Variants in NAALADL2 observed in about 807,000 individuals in gnomAD.
The protein encoded by NAALADL2 is N-acetylated alpha-linked acidic dipeptidase like 2, also known as inactive N-acetylated-alpha-linked acidic dipeptidase-like protein 2.
Under a neutral mutation model 87.2 loss-of-function variants are expected in NAALADL2, and 76 were observed. The ratio of observed to expected loss-of-function variants is 0.87; its 90% CI spans 0.72 to 1.05. The LOEUF is 1.05. NAALADL2 is among the 50% of genes least tolerant of loss of function. NAALADL2 has a pLI of 0.00. For missense variants in NAALADL2, 1,089 were observed against 945.8 expected, an observed-to-expected ratio of 1.15 and a Z score of -1.99; for synonymous variants, 354 against 331.0, an observed-to-expected ratio of 1.07 and a Z score of -0.75.
chr3:175,062,460 A>G (rs1446878214), intron 1 of NAALADL2, among the ~76,000 whole-genome samples: 1 of 144,712 alleles, frequency 6.9e-6, no homozygotes, highest in Non-Finnish European at 1.5e-5. Context: ...TCCTGTTTGT[A>G]GGGCTGGAAG....
intron 1 of NAALADL2, among the ~76,000 whole-genome samples, chr3:174,478,423 A>T (rs1309196892): frequency 6.6e-6 from 1 of 152,112 alleles, no homozygotes; most frequent in South Asian, 2.1e-4. Context: ...TGCATGATGT[A>T]TATATAGATA....
At chr3:174,898,112 CAAAAAAAAAAAAA>C (rs913382744) in intron 1 of NAALADL2, among the ~76,000 whole-genome samples, 51 of 14,496 alleles carry the variant, frequency 3.5e-3, no homozygotes, top group Admixed American at 0.021. Flanking sequence ...GACTCCGTCT[CAAAAAAAAAAAAA>C]AAAAAAAAAA....
chr3:174,677,452 T>G (rs922881492), intron 2 of NAALADL2, among the ~76,000 whole-genome samples: 1 of 152,108 alleles, frequency 6.6e-6, no homozygotes, highest in Admixed American at 6.6e-5. Flanking sequence ...TTTTTCATTT[T>G]GTGTTTCTAA....
chr3:174,894,594 C>CAAAA (rs869161862), intron 1 of NAALADL2, among the ~76,000 whole-genome samples: 3 of 48,476 alleles, frequency 6.2e-5, no homozygotes, highest in Non-Finnish European at 1.0e-4. Flanking sequence ...AACTCCGTCT[C>CAAAA]AAAAAAAAAA....
At chr3:175,059,399 T>A in intron 1 of NAALADL2, 1 of 155,968 alleles carries the variant, frequency 6.4e-6, no homozygotes. Context: ...CTACACAGAA[T>A]CCTCAAAAGC....
intron 10 of NAALADL2, among the ~76,000 whole-genome samples, chr3:175,584,802 C>T (rs1338517168): frequency 2.6e-5 from 4 of 152,184 alleles, no homozygotes; most frequent in Non-Finnish European, 5.9e-5. Flanking sequence ...AAGTGGTACA[C>T]ATGTATAGGG....
At chr3:174,897,855 T>C (rs1731752620) in intron 1 of NAALADL2, among the ~76,000 whole-genome samples, 1 of 137,950 alleles carries the variant, frequency 7.2e-6, no homozygotes, top group Non-Finnish European at 1.5e-5. Context: ...GGCTCACGCC[T>C]GTAATCCCAG....
rs547007328 is a variant in NAALADL2 at position 175,342,379 on chromosome 3, C to T, written c.1090+18054C>T. Among the ~76,000 whole-genome samples the T allele has an allele frequency of 6.6e-5, 10 of 152,118 alleles. No homozygotes were observed. In the South Asian group the frequency reaches 2.1e-3, roughly 32 times the overall value. On this transcript the variant is annotated intron_variant, in intron 5 of 13. Transcript: ENST00000454872. ...GGATAAAATAATAAGCTGAGTCAGACCACAAAGCATCTGATCCTTAGGCAG... is the reference window on the plus strand; with the variant it reads ...GGATAAAATAATAAGCTGAGTCAGATCACAAAGCATCTGATCCTTAGGCAG...
At chr3:175,690,303 T>C (rs1736875143) in intron 11 of NAALADL2, among the ~76,000 whole-genome samples, 1 of 152,020 alleles carries the variant, frequency 6.6e-6, no homozygotes, top group Non-Finnish European at 1.5e-5. Context: ...TCAGGGCCTT[T>C]GTACTGTATT....
intron 1 of NAALADL2, among the ~76,000 whole-genome samples, chr3:174,941,631 A>G (rs753316747): frequency 5.9e-5 from 9 of 151,930 alleles, no homozygotes; most frequent in Non-Finnish European, 8.8e-5. Context: ...GTGGGAGTCT[A>G]TTTCTCTTTT....
intron 10 of NAALADL2, among the ~76,000 whole-genome samples, chr3:175,592,049 T>A (rs547796436): frequency 3.4e-4 from 51 of 152,094 alleles, no homozygotes; most frequent in African/African-American, 1.1e-3. Flanking sequence ...GAGCTCAAAG[T>A]GACTGCACTA....
At chr3:175,574,863 A>G (rs962089335) in intron 9 of NAALADL2, among the ~76,000 whole-genome samples, 11 of 152,278 alleles carry the variant, frequency 7.2e-5, no homozygotes, top group African/African-American at 2.6e-4. Context: ...TGGATTGAGT[A>G]CATACTTTAT....
chr3:175,234,882 C>T (rs1027452271), intron 3 of NAALADL2: 1 of 152,184 alleles, frequency 6.6e-6, no homozygotes, highest in African/African-American at 2.4e-5. Context: ...ATAGTTCCAA[C>T]TCATAAGGTT....
intron 1 of NAALADL2, among the ~76,000 whole-genome samples, chr3:174,936,715 C>G (rs908265961): frequency 6.6e-6 from 1 of 152,056 alleles, no homozygotes; most frequent in Non-Finnish European, 1.5e-5. Context: ...GTCTGACTCT[C>G]TAGAGCAAGT....
At chr3:175,690,094 T>C (rs1736843577) in intron 11 of NAALADL2, among the ~76,000 whole-genome samples, 1 of 152,056 alleles carries the variant, frequency 6.6e-6, no homozygotes, top group Admixed American at 6.6e-5. Flanking sequence ...ATTGACTATA[T>C]AAATATATAG....
intron 1 of NAALADL2, among the ~76,000 whole-genome samples, chr3:174,466,138 A>T (rs1249911021): frequency 6.6e-6 from 1 of 152,224 alleles, no homozygotes; most frequent in Non-Finnish European, 1.5e-5. Flanking sequence ...CCATTTCAGC[A>T]CATAGTCAGT....
chr3:175,307,393 G>A (rs902470468), intron 4 of NAALADL2, among the ~76,000 whole-genome samples: 1 of 152,208 alleles, frequency 6.6e-6, no homozygotes. Context: ...CGTATGTTAT[G>A]TATGGGGCAG....
intron 9 of NAALADL2, among the ~76,000 whole-genome samples, chr3:175,533,131 C>T (rs889890266): frequency 3.3e-5 from 5 of 152,206 alleles, no homozygotes; most frequent in African/African-American, 9.6e-5. Context: ...AATGCAGAGT[C>T]CCTACTTAGT....
At chr3:175,769,319 A>T (rs1279556675) in intron 13 of NAALADL2, among the ~76,000 whole-genome samples, 1 of 152,192 alleles carries the variant, frequency 6.6e-6, no homozygotes, top group East Asian at 1.9e-4. Flanking sequence ...TAAGCAGACA[A>T]AAGACCAAAT....
Sources: allele counts gnomAD v4.1 joint callset (sites outside exome capture counted in the v4.1 genomes callset), GRCh38; gene constraint gnomAD v4.1.1; transcripts MANE v1.5; gene names NCBI Gene and HGNC (gene_info 2026-07-23, HGNC 2026-07-21).